FRMD3: variants seen among roughly 807,000 people sequenced by gnomAD.
The protein encoded by FRMD3 is FERM domain-containing protein 3.
In FRMD3, 33 loss-of-function variants were observed where a neutral mutation model predicts 70.2. The ratio of observed to expected loss-of-function variants is 0.47; its 90% CI spans 0.36 to 0.63. The LOEUF (loss-of-function observed/expected upper bound fraction) is 0.63, where lower values mean the gene tolerates loss of function less well. Among genes scored for constraint, FRMD3 ranks in the 20% least tolerant of loss-of-function variants. The pLI is 0.00. For synonymous variants in FRMD3, 279 were observed against 255.9 expected (o/e 1.09, Z -0.86); for missense variants, 632 against 711.4 (o/e 0.89, Z 1.27).
chr9:83,388,722 G>A (rs1825581317), intron 2 of FRMD3, among the ~76,000 whole-genome samples: 2 of 152,240 alleles, frequency 1.3e-5, no homozygotes, highest in South Asian at 4.1e-4. Context: ...AAGTTTAGTT[G>A]TGCCCAAGGA....
Position 83,310,568 on chromosome 9 carries a change from G to C in FRMD3, c.774-20C>G, listed in dbSNP as rs751282894. The C allele has an allele frequency of 1.5e-5, 24 of 1,574,120 alleles. 1 individual carries two copies. The South Asian group carries it at 2.7e-4, about 18-fold the overall frequency. The stretch of plus-strand genomic sequence containing the variant: ...TCTGGCCTAAGAAAAGAAAATCTCT[G>C]GGTAAGAAGAAAAAAAGTGGCAGCT... On this transcript the variant is annotated intron_variant, in intron 8 of 13. Transcript: ENST00000304195.
chr9:83,428,918 C>T (rs1239251751), intron 1 of FRMD3, among the ~76,000 whole-genome samples: 1 of 151,852 alleles, frequency 6.6e-6, no homozygotes, highest in South Asian at 2.1e-4. Flanking sequence ...CCTAACCTTG[C>T]CCTTGATATG....
At chr9:83,356,822 GA>G (rs1336511465) in intron 3 of FRMD3, among the ~76,000 whole-genome samples, 1 of 151,686 alleles carries the variant, frequency 6.6e-6, no homozygotes, top group African/African-American at 2.4e-5. Flanking sequence ...TGATTTCTGG[GA>G]TTTGGGTGCA....
chr9:83,492,013 C>A (rs4097647), intron 1 of FRMD3, among the ~76,000 whole-genome samples: 99,135 of 152,142 alleles, frequency 0.65, 32,713 homozygotes, highest in African/African-American at 0.74. Flanking sequence ...CTACTCTTGT[C>A]TTTATTTGTA....
the FRMD3 span, among the ~76,000 whole-genome samples, chr9:83,564,558 A>G: frequency 6.6e-6 from 1 of 152,206 alleles, no homozygotes; most frequent in Non-Finnish European, 1.5e-5. Flanking sequence ...AAATCAAAAA[A>G]CTGAGTCCGT....
At chr9:83,370,909 TA>T (rs926367496) in intron 3 of FRMD3, among the ~76,000 whole-genome samples, 15 of 151,186 alleles carry the variant, frequency 9.9e-5, no homozygotes, top group Admixed American at 6.0e-4. Context: ...GACCCTGTCT[TA>T]AAAAAAAATT....
chr9:83,539,814 G>A (rs1564122556), upstream of FRMD3, among the ~76,000 whole-genome samples: 1 of 152,198 alleles, frequency 6.6e-6, no homozygotes, highest in Non-Finnish European at 1.5e-5. Context: ...AATTTGTCAA[G>A]ATAGGAGGAT....
chr9:83,504,344 G>A (rs144485572), intron 1 of FRMD3, among the ~76,000 whole-genome samples: 76 of 152,252 alleles, frequency 5.0e-4, no homozygotes, highest in African/African-American at 1.8e-3. Context: ...ATTCTCAACA[G>A]AGCAAGTGCA....
intron 1 of FRMD3, among the ~76,000 whole-genome samples, chr9:83,407,761 G>A (rs1166672705): frequency 6.6e-6 from 1 of 151,560 alleles, no homozygotes; most frequent in Non-Finnish European, 1.5e-5. Flanking sequence ...GTCTGATGTG[G>A]AAGCAACTGA....
chr9:83,311,305 CAG>C (rs1362725810), intron 8 of FRMD3, among the ~76,000 whole-genome samples: 1 of 142,990 alleles, frequency 7.0e-6, no homozygotes, highest in Non-Finnish European at 1.5e-5. Context: ...AAAAAAAAAA[CAG>C]AGACCTAAAT....
At chr9:83,534,834 A>G (rs1036193951) in intron 1 of FRMD3, among the ~76,000 whole-genome samples, 2 of 152,198 alleles carry the variant, frequency 1.3e-5, no homozygotes, top group African/African-American at 4.8e-5. Flanking sequence ...TCCCTGGAAG[A>G]CCCAGGACAC....
At chr9:83,470,407 G>A (rs187902725) in intron 1 of FRMD3, among the ~76,000 whole-genome samples, 3 of 152,192 alleles carry the variant, frequency 2.0e-5, no homozygotes, top group South Asian at 2.1e-4. Flanking sequence ...CTGAGCCTCA[G>A]TTACCTCAGA....
chr9:83,268,304 A>G (rs1480315561), intron 13 of FRMD3, among the ~76,000 whole-genome samples: 1 of 152,250 alleles, frequency 6.6e-6, no homozygotes, highest in Non-Finnish European at 1.5e-5. Context: ...TCAATATAAA[A>G]TTGATTTAGC....
intron 3 of FRMD3, among the ~76,000 whole-genome samples, chr9:83,363,691 A>T (rs1824689877): frequency 6.6e-6 from 1 of 151,138 alleles, no homozygotes; most frequent in South Asian, 2.1e-4. Flanking sequence ...AGTAGCTGGG[A>T]CTACAGGCGC....
chr9:83,579,141 C>T, the FRMD3 span, among the ~76,000 whole-genome samples: 1 of 151,810 alleles, frequency 6.6e-6, no homozygotes, highest in South Asian at 2.1e-4. Context: ...AACTACAAAT[C>T]ACTGATGAAA....
intron 1 of FRMD3, among the ~76,000 whole-genome samples, chr9:83,446,213 G>A (rs992396176): frequency 2.0e-5 from 3 of 152,054 alleles, no homozygotes; most frequent in Non-Finnish European, 4.4e-5. Flanking sequence ...CCCCGGCCTC[G>A]AGCTTGCCGG....
chr9:83,508,311 G>C (rs1017088975), intron 1 of FRMD3, among the ~76,000 whole-genome samples: 3 of 152,210 alleles, frequency 2.0e-5, no homozygotes, highest in South Asian at 4.1e-4. Flanking sequence ...TGGGTGTTAG[G>C]CATGCTGTGT....
the FRMD3 span, among the ~76,000 whole-genome samples, chr9:83,568,503 C>A: frequency 1.3e-5 from 2 of 152,068 alleles, no homozygotes; most frequent in Non-Finnish European, 2.9e-5. Flanking sequence ...ATGGATGAAT[C>A]TGGAAGATAT....
chr9:83,275,507 T>C (rs1250482462), intron 13 of FRMD3, among the ~76,000 whole-genome samples: 1 of 152,092 alleles, frequency 6.6e-6, no homozygotes, highest in Non-Finnish European at 1.5e-5. Flanking sequence ...CTCCCCGACC[T>C]GCAGATGGGA....
Sources: allele counts gnomAD v4.1 joint callset (sites outside exome capture counted in the v4.1 genomes callset), GRCh38; gene constraint gnomAD v4.1.1; transcripts MANE v1.5; gene names NCBI Gene and HGNC (gene_info 2026-07-23, HGNC 2026-07-21).